Variants in STAB2 observed in about 807,000 individuals in gnomAD.
STAB2 encodes the protein stabilin 2, also known as stabilin-2.
STAB2 carries 288 observed loss-of-function variants against 338.1 expected under a neutral mutation model. The ratio of observed to expected loss-of-function variants is 0.85; its 90% CI spans 0.77 to 0.94. STAB2 has a LOEUF of 0.94. STAB2 is among the 40% of genes least tolerant of loss of function. STAB2 has a pLI of 0.00. For missense variants in STAB2, 3,141 were observed against 3,210.1 expected (o/e 0.98, Z 0.52); for synonymous variants, 1,202 against 1,193.3 (o/e 1.01, Z -0.15).
At chr12:103,745,407 A>T (rs1041125101) in intron 57 of STAB2, 130 bp downstream of exon 57, 28 of 779,166 alleles carry the variant, frequency 3.6e-5, no homozygotes, top group Non-Finnish European at 5.1e-5. Context: ...GTGGTAAAAG[A>T]TAATTCAGAT....
At chr12:103,717,528 G>A (rs1287253766) in intron 43 of STAB2, among the ~76,000 whole-genome samples, 3 of 152,102 alleles carry the variant, frequency 2.0e-5, no homozygotes, top group Non-Finnish European at 4.4e-5. Flanking sequence ...GAAAAAAAAC[G>A]GTATCTTAGC....
chr12:103,762,701 A>C (rs1034042008), intron 67 of STAB2, among the ~76,000 whole-genome samples: 1 of 152,098 alleles, frequency 6.6e-6, no homozygotes, highest in Non-Finnish European at 1.5e-5. Flanking sequence ...ATTCACTAGG[A>C]CCTAGGAGTC....
At chr12:103,758,079 A>C in intron 63 of STAB2, 91 bp from the exon 64 acceptor site, 1 of 1,568,538 alleles carries the variant, frequency 6.4e-7, no homozygotes, top group Non-Finnish European at 8.6e-7. Context: ...ATGAATATTC[A>C]CAGATGGGTG....
intron 11 of STAB2, 94 bp from the exon 12 acceptor site, chr12:103,652,462 G>A (rs929266930): frequency 3.2e-6 from 4 of 1,242,436 alleles, no homozygotes; most frequent in Non-Finnish European, 4.3e-6. Flanking sequence ...GGGTGCCCTG[G>A]CTTTGATGTC....
chr12:103,697,368 C>T lies in STAB2; in HGVS notation c.3582+1524C>T, dbSNP rs567505289. Among the ~76,000 whole-genome samples the T allele has an allele frequency of 5.9e-5, 9 of 152,340 alleles. 1 individual carries two copies. Among genetic ancestry groups the T allele is most frequent in the African/African-American group, 1.9e-4 (8 of 41,572 alleles). ...AATCTTCTACCTTGTCTTTTCCCTG[C>T]CCTCTAACCCAACCCATTTCTTTAA... On this transcript the variant is annotated intron_variant, in intron 33 of 68. Coordinates refer to ENST00000388887, the MANE Select transcript of STAB2 (RefSeq NM_017564.10).
chr12:103,670,844 G>A (rs1394995474), intron 22 of STAB2, 37 bp downstream of exon 22: 1 of 1,564,152 alleles, frequency 6.4e-7, no homozygotes, highest in Admixed American at 1.7e-5. Flanking sequence ...CCACTCCTAA[G>A]CAAGGTTCCC....
intron 20 of STAB2, 103 bp downstream of exon 20, chr12:103,668,832 G>A: frequency 1.0e-6 from 1 of 990,028 alleles, no homozygotes; most frequent in Non-Finnish European, 1.4e-6. Flanking sequence ...GGTGGCCCGT[G>A]CTTGCTGTTG....
intron 66 of STAB2, among the ~76,000 whole-genome samples, chr12:103,761,743 A>G (rs1324707826): frequency 6.6e-6 from 1 of 152,094 alleles, no homozygotes; most frequent in African/African-American, 2.4e-5. Flanking sequence ...CTGAGTCCCA[A>G]TTTTCTCATC....
At chr12:103,715,936 C>A in intron 43 of STAB2, 48 bp downstream of exon 43, 1 of 1,601,188 alleles carries the variant, frequency 6.2e-7, no homozygotes, top group Non-Finnish European at 8.5e-7. Context: ...AAGGGAACTC[C>A]TAGGTCTTTA....
chr12:103,717,150 T>C (rs1420085497), intron 43 of STAB2, among the ~76,000 whole-genome samples: 1 of 152,136 alleles, frequency 6.6e-6, no homozygotes, highest in Non-Finnish European at 1.5e-5. Context: ...CATCAGTGAA[T>C]AGAGTGTGAG....
Position 103,671,942 on chromosome 12 carries a change from G to C in STAB2, c.2371+1135G>C, listed in dbSNP as rs531979617. 2.0e-5 allele frequency among the ~76,000 whole-genome samples: 3 copies of C among 152,224 alleles called. No individual in the cohort carries two copies. In the East Asian group the frequency reaches 5.8e-4, roughly 29 times the overall value. On this transcript the variant is annotated intron_variant, in intron 22 of 68. Coordinates refer to ENST00000388887, the MANE Select transcript of STAB2 (RefSeq NM_017564.10). The stretch of plus-strand genomic sequence containing the variant: ...CGTTGTGGAGTCAGACCATCCTGAA[G>C]TCCCCACACTCCAGCCTACCAACCG...
intron 27 of STAB2, among the ~76,000 whole-genome samples, chr12:103,685,457 C>CGT (rs1220360859): frequency 4.4e-5 from 6 of 136,274 alleles, no homozygotes; most frequent in African/African-American, 1.6e-4. Context: ...TGTGTGTGCG[C>CGT]GTGCGTGTGT....
rs371549700 is a variant in STAB2 at position 103,659,692 on chromosome 12, A to G, written c.1735-639A>G. 5.9e-5 allele frequency among the ~76,000 whole-genome samples: 9 copies of G among 152,226 alleles called. No homozygotes were observed. In the East Asian group the frequency reaches 9.6e-4, roughly 16 times the overall value. On this transcript the variant is annotated intron_variant, in intron 15 of 68. Transcript: ENST00000388887. ...CCTATAGGGGCTGCTCATCCTGTCT[A>G]TGGTCTCCTTTGTGGGGCTAGGACC... is the stretch of plus-strand genomic sequence containing the variant.
At chr12:103,610,810 C>T (rs1183858051) in intron 3 of STAB2, among the ~76,000 whole-genome samples, 3 of 152,166 alleles carry the variant, frequency 2.0e-5, no homozygotes, top group Non-Finnish European at 2.9e-5. Context: ...TTCCTGCTTT[C>T]TCTTGTTGGC....
chr12:103,620,662 C>G, intron 4 of STAB2, 109 bp downstream of exon 4: 1 of 927,412 alleles, frequency 1.1e-6, no homozygotes. Context: ...CACGTGCACA[C>G]ACACATATAC....
chr12:103,616,740 C>A (rs1264044052), intron 3 of STAB2, among the ~76,000 whole-genome samples: 1 of 152,206 alleles, frequency 6.6e-6, no homozygotes, highest in Admixed American at 6.5e-5. Context: ...TCACTACCTT[C>A]CTAGCTCTGC....
At position 103,600,590 on chromosome 12, in the gene STAB2, G is replaced by C. The variant is rs530940039; in HGVS notation, c.331+6080G>C. On this transcript the variant is annotated intron_variant, in intron 3 of 68. Coordinates refer to ENST00000388887, the MANE Select transcript of STAB2 (RefSeq NM_017564.10). ...AAACACTATCTCATTGGAGGTCAGG[G>C]GCTTCAACATATGAATTTAGGGAGA... 2.6e-5 allele frequency among the ~76,000 whole-genome samples: 4 copies of C among 152,256 alleles called. No homozygotes were observed. The East Asian group carries it at 7.7e-4, about 29-fold the overall frequency.
At position 103,725,217 on chromosome 12, in the gene STAB2, A is replaced by G. The variant is rs546174767; in HGVS notation, c.4803+123A>G. The G allele has an allele frequency of 3.8e-4, 550 of 1,434,904 alleles. 7 individuals carry two copies. In the South Asian group the frequency reaches 7.6e-3, roughly 20 times the overall value. The allele number at this position is 1,434,904 out of a possible 1,614,324, so 88.9% of individuals were successfully genotyped here. A position where few individuals can be genotyped will look rare whatever the true frequency, so the allele number is the denominator to read the frequency against. ...AAGCGCTATAAAAATATGAAAGGCA[A>G]TTTTACATAAATCAGCAATGAAAAG... On this transcript the variant is annotated intron_variant, in intron 45 of 68. Coordinates refer to ENST00000388887, the MANE Select transcript of STAB2 (RefSeq NM_017564.10).
At chr12:103,724,917 A>G in intron 44 of STAB2, 58 bp from the exon 45 acceptor site, 2 of 1,587,592 alleles carry the variant, frequency 1.3e-6, no homozygotes, top group South Asian at 2.2e-5. Flanking sequence ...AAATATCGGT[A>G]GAGCTGGCAA....
Sources: gnomAD v4.1 joint callset for allele counts (sites outside exome capture counted in the v4.1 genomes callset) on GRCh38, gnomAD v4.1.1 for gene constraint, MANE v1.5 for transcripts, NCBI Gene and HGNC (gene_info 2026-07-23, HGNC 2026-07-21) for gene names.